The following OLFM1 variants were observed in gnomAD, a reference collection of about 807,000 sequenced individuals.
The protein encoded by OLFM1 is noelin.
Under a neutral mutation model 49.7 loss-of-function variants are expected in OLFM1, and 9 were observed. That is an observed-to-expected ratio of 0.18 (90% CI 0.11 to 0.32). The LOEUF is 0.32. OLFM1 is among the 10% of genes least tolerant of loss of function. The probability of loss-of-function intolerance (pLI) is 1.00; values close to 1 mark genes in which losing one functional copy is unlikely to be tolerated. For missense variants in OLFM1, 369 were observed against 661.8 expected (o/e 0.56, Z 4.85); for synonymous variants, 240 against 271.8 (o/e 0.88, Z 1.15).
chr9:135,076,435 G>A, intron 1 of OLFM1: 1 of 1,452,012 alleles, frequency 6.9e-7, no homozygotes, highest in Non-Finnish European at 9.1e-7. Flanking sequence ...GGGATCGTGG[G>A]CATTTCAAAC....
upstream of OLFM1, chr9:135,087,190 T>C (rs1830608865): frequency 7.2e-7 from 1 of 1,385,886 alleles, no homozygotes; most frequent in African/African-American, 1.5e-5. Flanking sequence ...CCCTCGCGAG[T>C]CTGGCTGCTT....
At chr9:135,102,994 G>T (rs1364325611) in intron 4 of OLFM1, among the ~76,000 whole-genome samples, 1 of 152,204 alleles carries the variant, frequency 6.6e-6, no homozygotes, top group African/African-American at 2.4e-5. Flanking sequence ...TGTCTCATCC[G>T]CAGGGGCATC....
intron 2 of OLFM1, among the ~76,000 whole-genome samples, chr9:135,092,775 C>A (rs1830733838): frequency 6.6e-6 from 1 of 152,204 alleles, no homozygotes; most frequent in Admixed American, 6.5e-5. Context: ...AAATTTAAAG[C>A]CCCATTTGAT....
chr9:135,118,017 G>A (rs1018724827), intron 5 of OLFM1, among the ~76,000 whole-genome samples: 5 of 152,260 alleles, frequency 3.3e-5, no homozygotes, highest in Non-Finnish European at 5.9e-5. Flanking sequence ...CCCTTTGGTT[G>A]TGACTACTCT....
upstream of OLFM1, among the ~76,000 whole-genome samples, chr9:135,083,741 C>A (rs1473475487): frequency 6.6e-6 from 1 of 152,234 alleles, no homozygotes; most frequent in African/African-American, 2.4e-5. Flanking sequence ...GCTCACATGT[C>A]CTGTCATTCG....
rs370756118 is a variant in OLFM1, at chr9:135,117,216, G to A, written c.784-2288G>A. ...TTCTCAAGTCAACTGGCATTTCATC[G>A]GAAATCTCTTCTTCTGTAACCCCAA... On this transcript the variant is annotated intron_variant, in intron 5 of 5. Coordinates refer to ENST00000371793, the MANE Select transcript of OLFM1 (RefSeq NM_001282611.2). The surrounding 1 kb of genome is among the most constrained non-coding windows in gnomAD (Gnocchi z 5.5). Among the ~76,000 whole-genome samples the A allele has an allele frequency of 1.1e-3, 173 of 152,246 alleles. 1 individual carries two copies. The highest frequency in any genetic ancestry group is 3.9e-3 in the African/African-American group (160 of 41,558).
At chr9:135,095,754 T>C in intron 2 of OLFM1, 110 bp from the exon 3 acceptor site, 1 of 1,181,590 alleles carries the variant, frequency 8.5e-7, no homozygotes, top group Non-Finnish European at 1.2e-6. Context: ...CCACTTCTGG[T>C]TCCCAGTGTG....
At position 135,120,975 on chromosome 9, in the gene OLFM1, A is replaced by G. The variant is rs1831179505; in HGVS notation, c.*797A>G. 6.6e-6 allele frequency: 1 copy of G among 152,602 alleles called. No homozygotes were observed. Among genetic ancestry groups the G allele is most frequent in the Non-Finnish European group, 1.5e-5 (1 of 68,038 alleles). The allele number at this position is 152,602 out of a possible 1,614,324, so 9.5% of individuals were successfully genotyped here. A position where few individuals can be genotyped will look rare whatever the true frequency, so the allele number is the denominator to read the frequency against. On this transcript the variant is annotated 3_prime_UTR_variant, in exon 6 of 6. Coordinates refer to ENST00000371793, the MANE Select transcript of OLFM1 (RefSeq NM_001282611.2). ...CATAGTCAAGTTCATGTTGATAATA[A>G]TCAAAGGAATTACTCTCTTCTTGTT...
intron 4 of OLFM1, among the ~76,000 whole-genome samples, chr9:135,099,990 C>T (rs898862802): frequency 1.3e-5 from 2 of 152,176 alleles, no homozygotes; most frequent in Non-Finnish European, 2.9e-5. Flanking sequence ...TGCTACCCAT[C>T]GTGACCTTGA....
chr9:135,096,849 C>T (rs1357889671), intron 3 of OLFM1, among the ~76,000 whole-genome samples: 2 of 152,184 alleles, frequency 1.3e-5, no homozygotes, highest in Non-Finnish European at 1.5e-5. Flanking sequence ...CTTTCCACCT[C>T]GTGGGAAGTG....
chr9:135,081,886 C>T (rs1032034472), intron 1 of OLFM1, among the ~76,000 whole-genome samples: 1 of 152,204 alleles, frequency 6.6e-6, no homozygotes, highest in South Asian at 2.1e-4. Flanking sequence ...CCGGTGACCC[C>T]CTTTGTTGCA....
intron 4 of OLFM1, among the ~76,000 whole-genome samples, chr9:135,105,429 T>A (rs903038316): frequency 6.6e-6 from 1 of 152,196 alleles, no homozygotes; most frequent in African/African-American, 2.4e-5. Flanking sequence ...GACGCCTCCA[T>A]GCCGGCAGGG....
chr9:135,103,597 G>C (rs1242752296), intron 4 of OLFM1, among the ~76,000 whole-genome samples: 1 of 152,252 alleles, frequency 6.6e-6, no homozygotes, highest in African/African-American at 2.4e-5. Flanking sequence ...GGAGGGAAGA[G>C]GGAGCCCTTG....
In OLFM1 at chr9:135,098,672, G is replaced by A. The variant is rs758891703; in HGVS notation, c.676+167G>A. Reference sequence around the variant, plus strand: ...CCTTGAGAGACAGCAAAGGAGGAGCGTAGGCCACACCCATCCTAGGGCATT... The same window carrying A: ...CCTTGAGAGACAGCAAAGGAGGAGCATAGGCCACACCCATCCTAGGGCATT... On this transcript the variant is annotated intron_variant, in intron 4 of 5. Transcript: ENST00000371793. The surrounding 1 kb of genome is among the most constrained non-coding windows in gnomAD (Gnocchi z 5.6). Among the ~76,000 whole-genome samples, 6 of 152,202 alleles carry A rather than the reference G, an allele frequency of 3.9e-5. No individual in the cohort carries two copies. The highest frequency in any genetic ancestry group is 5.9e-5 in the Non-Finnish European group (4 of 68,032).
At position 135,113,961 on chromosome 9, in the gene OLFM1, G is replaced by A. The variant is rs1026286467; in HGVS notation, c.784-5543G>A. On this transcript the variant is annotated intron_variant, in intron 5 of 5. Coordinates refer to ENST00000371793, the MANE Select transcript of OLFM1 (RefSeq NM_001282611.2). This position sits in a 1 kb window ranked among gnomAD's most constrained non-coding sequence, Gnocchi z 4.0. ...GGGGAGGACCCTCCTGCCTCGTCTC[G>A]TGGCTCCATGTGTTCCTGGCTGTGG... Among the ~76,000 whole-genome samples, 12 of 152,174 alleles carry A rather than the reference G, an allele frequency of 7.9e-5. No homozygotes were observed. Among genetic ancestry groups the A allele is most frequent in the Admixed American group, 5.2e-4 (8 of 15,294 alleles).
rs11103680 is a variant in OLFM1 at position 135,115,067 on chromosome 9, G to C, written c.784-4437G>C. On this transcript the variant is annotated intron_variant, in intron 5 of 5. Coordinates refer to ENST00000371793, the MANE Select transcript of OLFM1 (RefSeq NM_001282611.2). Reference sequence around the variant, plus strand: ...CCTATTTGGGACAATTTCCCCGCTGGAGCTTGACACACACAGATCCTTTCC... The same window carrying C: ...CCTATTTGGGACAATTTCCCCGCTGCAGCTTGACACACACAGATCCTTTCC... Among the ~76,000 whole-genome samples, 1,499 of 152,304 alleles carry C rather than the reference G, an allele frequency of 9.8e-3. 20 individuals are homozygous for C. Among genetic ancestry groups the C allele is most frequent in the African/African-American group, 0.034 (1,428 of 41,568 alleles).
At chr9:135,119,075 C>T (rs1217345201) in intron 5 of OLFM1, among the ~76,000 whole-genome samples, 1 of 151,688 alleles carries the variant, frequency 6.6e-6, no homozygotes, top group Non-Finnish European at 1.5e-5. Flanking sequence ...GAAGTGCTCA[C>T]TGGGTCTTTG....
chr9:135,120,179 C>T lies in OLFM1; in HGVS notation c.*1C>T, dbSNP rs1831168160. 2 of 1,601,498 alleles carry T rather than the reference C, an allele frequency of 1.2e-6. No homozygotes were observed. The highest frequency in any genetic ancestry group is 1.7e-6 in the Non-Finnish European group (2 of 1,173,398). On this transcript the variant is annotated 3_prime_UTR_variant, in exon 6 of 6. Transcript: ENST00000371793. ...CGTCATCCGCTCCGACGAGTTGTAG[C>T]TCCCTCCTCCTGGAAGCCAAGGGCC... is the stretch of plus-strand genomic sequence containing the variant.
intron 5 of OLFM1, among the ~76,000 whole-genome samples, chr9:135,114,969 C>T (rs1831076988): frequency 6.6e-6 from 1 of 152,134 alleles, no homozygotes; most frequent in Admixed American, 6.5e-5. Flanking sequence ...AAGCCCCCCA[C>T]CCACCCCTGC....
Sources: gnomAD v4.1 joint callset for allele counts (sites outside exome capture counted in the v4.1 genomes callset) on GRCh38, gnomAD v4.1.1 for gene constraint, Gnocchi (gnomAD v3.1) non-coding constraint, MANE v1.5 for transcripts, NCBI Gene and HGNC (gene_info 2026-07-23, HGNC 2026-07-21) for gene names.